DNAJC3: variants seen among roughly 807,000 people sequenced by gnomAD.
DNAJC3 encodes DnaJ heat shock protein family (Hsp40) member C3.
Under a neutral mutation model 68.6 loss-of-function variants are expected in DNAJC3, and 38 were observed. The observed-to-expected ratio is 0.55, with a 90% CI of 0.43 to 0.73. The LOEUF (loss-of-function observed/expected upper bound fraction) is 0.73, where lower values mean the gene tolerates loss of function less well. DNAJC3 is among the 30% of genes least tolerant of loss of function. The probability of loss-of-function intolerance (pLI) is 0.00; values close to 1 mark genes in which losing one functional copy is unlikely to be tolerated. For missense variants in DNAJC3, 526 were observed against 591.9 expected (o/e 0.89, Z 1.16); for synonymous variants, 203 against 204.0 (o/e 1.00, Z 0.04).
At position 95,707,938 on chromosome 13, in the gene DNAJC3, C is replaced by T. The variant is rs187155712; in HGVS notation, c.83-1289C>T. Among the ~76,000 whole-genome samples the T allele has an allele frequency of 1.4e-3, 214 of 152,192 alleles. 2 individuals are homozygous for T. In the South Asian group the frequency reaches 0.017, roughly 12 times the overall value. ...AACAATCCTTTCATGTATAGGTGAGCGAAGGCTGGTTAGCCTGTCTACGAA... is the reference window on the plus strand; with the variant it reads ...AACAATCCTTTCATGTATAGGTGAGTGAAGGCTGGTTAGCCTGTCTACGAA... On this transcript the variant is annotated intron_variant, in intron 1 of 11. Transcript: ENST00000602402.
Position 95,740,936 on chromosome 13 carries a change from A to G in DNAJC3, c.393+15684A>G, listed in dbSNP as rs150208809. ...AAAATGATATGTATCTCTTTTATACATTTTTCATTCATACCCTGGATTGTT... is the reference window on the plus strand; with the variant it reads ...AAAATGATATGTATCTCTTTTATACGTTTTTCATTCATACCCTGGATTGTT... On this transcript the variant is annotated intron_variant, in intron 4 of 11. Coordinates refer to ENST00000602402, the MANE Select transcript of DNAJC3 (RefSeq NM_006260.5). Among the ~76,000 whole-genome samples, 63 of 152,080 alleles carry G rather than the reference A, an allele frequency of 4.1e-4. 1 individual carries two copies. The East Asian group carries it at 0.012, about 29-fold the overall frequency.
chr13:95,760,186 G>C lies in DNAJC3; in HGVS notation c.693G>C (p.Leu231=). 1.2e-6 allele frequency: 2 copies of C among 1,607,540 alleles called. No homozygotes were observed. ...AAGCGTTTTATAAAATAAGCACACTGTACTACCAACTAGGAGACCACGAAC... is the reference window on the plus strand; with the variant it reads ...AAGCGTTTTATAAAATAAGCACACTCTACTACCAACTAGGAGACCACGAAC... ...NTEAFYKIST[L]YYQLGDHELS... Residue 231 remains leucine, a synonymous_variant, in exon 6 of 12, where the codon CTG becomes CTC. Transcript: ENST00000602402.
chr13:95,687,364 C>CT (rs1483127669), intron 1 of DNAJC3, among the ~76,000 whole-genome samples: 1 of 152,058 alleles, frequency 6.6e-6, no homozygotes, highest in African/African-American at 2.4e-5. Flanking sequence ...TCTTTTATTT[C>CT]TTTTTCTTGC....
chr13:95,789,171 G>GT (rs1883689086), intron 11 of DNAJC3, among the ~76,000 whole-genome samples: 1 of 146,044 alleles, frequency 6.8e-6, no homozygotes. Context: ...TTTTTTTTTT[G>GT]TAAGTTCAGG....
chr13:95,770,301 A>G (rs1338696715), intron 9 of DNAJC3, among the ~76,000 whole-genome samples: 1 of 152,218 alleles, frequency 6.6e-6, no homozygotes, highest in Non-Finnish European at 1.5e-5. Context: ...TCTTAAATAG[A>G]AACAGACTAA....
intron 1 of DNAJC3, among the ~76,000 whole-genome samples, chr13:95,688,784 G>A (rs1189097369): frequency 6.6e-6 from 1 of 152,112 alleles, no homozygotes; most frequent in Non-Finnish European, 1.5e-5. Flanking sequence ...TTACAGGTGT[G>A]AGCCACTGTG....
At chr13:95,722,336 GA>G (rs1881348445) in intron 2 of DNAJC3, among the ~76,000 whole-genome samples, 1 of 152,166 alleles carries the variant, frequency 6.6e-6, no homozygotes, top group African/African-American at 2.4e-5. Flanking sequence ...TGAGGGAGCA[GA>G]GATTATACAT....
At chr13:95,774,165 A>G (rs940095779) in intron 9 of DNAJC3, among the ~76,000 whole-genome samples, 4 of 152,160 alleles carry the variant, frequency 2.6e-5, no homozygotes, top group African/African-American at 9.7e-5. Flanking sequence ...TTTTGCTAGA[A>G]CAGTCATTGA....
At chr13:95,740,477 G>A (rs1344104934) in intron 4 of DNAJC3, among the ~76,000 whole-genome samples, 26 of 152,328 alleles carry the variant, frequency 1.7e-4, no homozygotes, top group Middle Eastern at 6.8e-3. Flanking sequence ...CGTGGGCGTA[G>A]GACCCTCCGA....
At chr13:95,740,456 CAGCGA>C (rs1240182172) in intron 4 of DNAJC3, among the ~76,000 whole-genome samples, 1 of 152,224 alleles carries the variant, frequency 6.6e-6, no homozygotes, top group Non-Finnish European at 1.5e-5. Context: ...TGCTAGCAAT[CAGCGA>C]GACTCCGTGG....
In DNAJC3 at chr13:95,760,148, AATG is replaced by A. The variant is rs759377467; in HGVS notation, c.658_660del (p.Asp220del). On this transcript the variant is annotated inframe_deletion, in exon 6 of 12. Transcript: ENST00000602402. ...CTTAAAAGCTGCGTCAAAGTTGAAGAATGATAATACTGAAGCGTTTTATAAAAT... is the reference window on the plus strand; with the variant it reads ...CTTAAAAGCTGCGTCAAAGTTGAAGAATAATACTGAAGCGTTTTATAAAAT... 9 of 1,613,002 alleles carry A rather than the reference AATG, an allele frequency of 5.6e-6. No homozygotes were observed. The highest frequency in any genetic ancestry group is 7.6e-6 in the Non-Finnish European group (9 of 1,179,462).
At chr13:95,761,315 A>C (rs1249658790) in intron 7 of DNAJC3, among the ~76,000 whole-genome samples, 1 of 152,138 alleles carries the variant, frequency 6.6e-6, no homozygotes, top group African/African-American at 2.4e-5. Context: ...CTAAAGAATA[A>C]GTAAAAGTGG....
intron 9 of DNAJC3, among the ~76,000 whole-genome samples, chr13:95,768,064 G>A (rs1883054263): frequency 6.6e-6 from 1 of 151,970 alleles, no homozygotes; most frequent in African/African-American, 2.4e-5. Context: ...GCTTGAGGTG[G>A]TACCTGGTTT....
At chr13:95,789,189 G>T (rs1229456633) in intron 11 of DNAJC3, among the ~76,000 whole-genome samples, 1 of 151,928 alleles carries the variant, frequency 6.6e-6, no homozygotes, top group East Asian at 1.9e-4. Context: ...AGGGGTACAT[G>T]TGCAGGTTTG....
chr13:95,684,723 C>T (rs1880025582), intron 1 of DNAJC3, among the ~76,000 whole-genome samples: 2 of 152,348 alleles, frequency 1.3e-5, no homozygotes, highest in African/African-American at 4.8e-5. Context: ...TGGGCCAGGG[C>T]CCTGCCAGCC....
chr13:95,698,636 G>T (rs1880511585), intron 1 of DNAJC3, among the ~76,000 whole-genome samples: 1 of 152,198 alleles, frequency 6.6e-6, no homozygotes, highest in Non-Finnish European at 1.5e-5. Context: ...GTGTAGCCGA[G>T]AGTCACAGTA....
At chr13:95,720,927 A>G (rs1881302485) in intron 2 of DNAJC3, among the ~76,000 whole-genome samples, 1 of 151,806 alleles carries the variant, frequency 6.6e-6, no homozygotes, top group African/African-American at 2.4e-5. Flanking sequence ...AAAATTTACC[A>G]TTTTAACCAT....
At chr13:95,772,106 C>T (rs991182190) in intron 9 of DNAJC3, among the ~76,000 whole-genome samples, 4 of 152,138 alleles carry the variant, frequency 2.6e-5, no homozygotes, top group East Asian at 1.9e-4. Flanking sequence ...ATAGATAATA[C>T]GCAAATGAAT....
intron 1 of DNAJC3, among the ~76,000 whole-genome samples, chr13:95,701,370 A>G (rs1388156552): frequency 6.6e-6 from 1 of 152,220 alleles, no homozygotes; most frequent in Non-Finnish European, 1.5e-5. Flanking sequence ...AGAAATTTAC[A>G]TCTATGAGGG....
Sources: allele counts gnomAD v4.1 joint callset (sites outside exome capture counted in the v4.1 genomes callset), GRCh38; gene constraint gnomAD v4.1.1; transcripts MANE v1.5; gene names NCBI Gene and HGNC (gene_info 2026-07-23, HGNC 2026-07-21).